GRIN2A: variants seen among roughly 807,000 people sequenced by gnomAD.
GRIN2A encodes glutamate ionotropic receptor NMDA type subunit 2A, also known as glutamate receptor ionotropic, NMDA 2A.
Under a neutral mutation model 113.4 loss-of-function variants are expected in GRIN2A, and 22 were observed. The observed-to-expected ratio is 0.19, with a 90% confidence interval of 0.14 to 0.28. GRIN2A has a LOEUF of 0.28. Among genes scored for constraint, GRIN2A ranks in the 10% least tolerant of loss-of-function variants. The probability of loss-of-function intolerance (pLI) is 1.00; values close to 1 mark genes in which losing one functional copy is unlikely to be tolerated. For missense variants in GRIN2A, 1,502 were observed against 1,887.0 expected, an observed-to-expected ratio of 0.80 and a Z score of 3.78; for synonymous variants, 827 against 738.4, an observed-to-expected ratio of 1.12 and a Z score of -1.94.
At chr16:9,897,786 C>T (rs915410743) in intron 3 of GRIN2A, among the ~76,000 whole-genome samples, 5 of 152,114 alleles carry the variant, frequency 3.3e-5, no homozygotes, top group African/African-American at 1.2e-4. Flanking sequence ...TCTAGACTCT[C>T]TTTGTGCTTT....
At chr16:9,891,722 G>T (rs553439165) in intron 3 of GRIN2A, among the ~76,000 whole-genome samples, 3 of 152,292 alleles carry the variant, frequency 2.0e-5, no homozygotes, top group East Asian at 1.9e-4. Flanking sequence ...TGACCTGAAG[G>T]CTCAATTGGC....
chr16:9,926,042 C>T (rs11647336), intron 3 of GRIN2A, among the ~76,000 whole-genome samples: 34,059 of 152,088 alleles, frequency 0.22, 4,191 homozygotes, highest in Middle Eastern at 0.28. Flanking sequence ...AATGTCATAA[C>T]GCCACTGCAC....
Position 10,180,765 on chromosome 16 carries a change from A to C in GRIN2A, c.-18-336T>G. On this transcript the variant is annotated intron_variant, in intron 1 of 12. Transcript: ENST00000330684. The surrounding 1 kb of genome is among the most constrained non-coding windows in gnomAD (Gnocchi z 7.0). ...AAGTTCGCCGCGGGCCACAGACCCT[A>C]AGCGCCGCGCGTGTTCTGTACCCCA... The C allele has an allele frequency of 6.6e-6, 3 of 451,256 alleles. No individual in the cohort carries two copies. Among genetic ancestry groups the C allele is most frequent in the Non-Finnish European group, 1.2e-5 (3 of 242,776 alleles). 28.0% of individuals were successfully genotyped at this position (451,256 alleles called of 1,614,324 possible).
chr16:9,765,867 T>C (rs1408998416), intron 12 of GRIN2A, among the ~76,000 whole-genome samples: 1 of 152,214 alleles, frequency 6.6e-6, no homozygotes, highest in African/African-American at 2.4e-5. Context: ...CTGAATGACT[T>C]AAGGGCTCCT....
At chr16:10,092,113 T>C (rs28440115) in intron 2 of GRIN2A, among the ~76,000 whole-genome samples, 2,684 of 152,314 alleles carry the variant, frequency 0.018, 74 homozygotes, top group African/African-American at 0.06. Context: ...TCCAGTCTAG[T>C]CCTTTCAACA....
chr16:10,122,363 T>A (rs1450124017), intron 2 of GRIN2A, among the ~76,000 whole-genome samples: 1 of 152,146 alleles, frequency 6.6e-6, no homozygotes, highest in Non-Finnish European at 1.5e-5. Context: ...TCAGGAGGCT[T>A]CGGGGTAAGG....
Position 10,100,260 on chromosome 16 carries a change from G to A in GRIN2A, c.414+79738C>T, listed in dbSNP as rs149879048. 8.3e-3 allele frequency among the ~76,000 whole-genome samples: 1,271 copies of A among 152,268 alleles called. 9 individuals are homozygous for A. Among genetic ancestry groups the A allele is most frequent in the Non-Finnish European group, 0.014 (984 of 68,024 alleles). On this transcript the variant is annotated intron_variant, in intron 2 of 12. Transcript: ENST00000330684. ...AAGCCATGAAACCGTTTTCAGCAGA[G>A]AAACAACATGATCGGGTTTGCATTT...
At chr16:9,982,380 C>A (rs561206864) in intron 2 of GRIN2A, among the ~76,000 whole-genome samples, 1 of 152,292 alleles carries the variant, frequency 6.6e-6, no homozygotes, top group South Asian at 2.1e-4. Context: ...TTGCCTGGAT[C>A]CATTAGTTCA....
chr16:10,055,108 AAAAG>A, intron 2 of GRIN2A, among the ~76,000 whole-genome samples: 1 of 95,528 alleles, frequency 1.0e-5, no homozygotes, highest in East Asian at 7.6e-4. Flanking sequence ...AAAGAAAGAA[AAAAG>A]AAAAAAAAAA....
intron 2 of GRIN2A, among the ~76,000 whole-genome samples, chr16:10,174,460 T>G (rs903925648): frequency 4.6e-5 from 7 of 152,172 alleles, no homozygotes; most frequent in Admixed American, 1.3e-4. Flanking sequence ...TATGTGAACA[T>G]CCAACTAACT....
At chr16:10,025,191 C>T (rs1334832508) in intron 2 of GRIN2A, among the ~76,000 whole-genome samples, 2 of 151,554 alleles carry the variant, frequency 1.3e-5, no homozygotes, top group Non-Finnish European at 2.9e-5. Context: ...ACTAATGGTG[C>T]AGCTGAATCA....
In GRIN2A at chr16:9,849,768, A is replaced by G; in HGVS notation, c.1316T>C (p.Phe439Ser). 6.2e-7 allele frequency: 1 copy of G among 1,613,952 alleles called. No individual in the cohort carries two copies. Residue 439 changes from phenylalanine (F) to serine (S), a missense_variant, in exon 5 of 13, where the codon TTC (phenylalanine) becomes TCC (serine). By Grantham distance (155) the Phe-to-Ser change is radical (BLOSUM62 -2). Transcript: ENST00000330684. ...TCCTGCCACTCACTTGATTTTGACGAACTTCCGACATGGCACGGTGTTCCT... is the reference window on the plus strand; with the variant it reads ...TCCTGCCACTCACTTGATTTTGACGGACTTCCGACATGGCACGGTGTTCCT... Reference protein sequence around the residue: ...CVRNTVPCRKFVKINNSTNEG... With the variant: ...CVRNTVPCRKSVKINNSTNEG...
rs2046081188 is a variant in GRIN2A at position 9,990,495 on chromosome 16, AT to A, written c.415-51945del. On this transcript the variant is annotated intron_variant, in intron 2 of 12. Transcript: ENST00000330684. The stretch of plus-strand genomic sequence containing the variant: ...GGCTCAAACTTCAGCATTACATAAT[AT>A]GTCTATGTAACAAACCTGCACACGC... 1.3e-5 allele frequency among the ~76,000 whole-genome samples: 2 copies of A among 151,804 alleles called. 1 individual carries two copies. Among genetic ancestry groups the A allele is most frequent in the South Asian group, 4.2e-4 (2 of 4,800 alleles).
intron 3 of GRIN2A, among the ~76,000 whole-genome samples, chr16:9,906,306 T>C (rs1008131184): frequency 5.9e-5 from 9 of 152,218 alleles, no homozygotes; most frequent in Non-Finnish European, 2.9e-5. Flanking sequence ...GTATCCTGCA[T>C]TGGAGCAAAC....
At chr16:10,073,404 G>A (rs2142036598) in intron 2 of GRIN2A, among the ~76,000 whole-genome samples, 1 of 152,230 alleles carries the variant, frequency 6.6e-6, no homozygotes, top group African/African-American at 2.4e-5. Context: ...ATCACGCAGG[G>A]TTGGTCTGGG....
chr16:9,840,932 T>C lies in GRIN2A; in HGVS notation c.1497+4A>G, dbSNP rs930361886. ...AGAGCCTAGGGGATGAAAAGATAAC[T>C]TACTTCACCGATCATTCCATTCCAC... On this transcript the variant is annotated splice_donor_region_variant and intron_variant, in intron 6 of 12. Coordinates refer to ENST00000330684, the MANE Select transcript of GRIN2A (RefSeq NM_001134407.3). The C allele has an allele frequency of 6.2e-7, 1 of 1,613,690 alleles. No individual in the cohort carries two copies. Among genetic ancestry groups the C allele is most frequent in the South Asian group, 1.1e-5 (1 of 91,056 alleles).
intron 2 of GRIN2A, among the ~76,000 whole-genome samples, chr16:10,119,651 A>T (rs11640305): frequency 6.6e-6 from 1 of 152,010 alleles, no homozygotes; most frequent in African/African-American, 2.4e-5. Context: ...GATTTGGTAC[A>T]CACATTTGGT....
At chr16:9,991,671 C>A (rs998932529) in intron 2 of GRIN2A, among the ~76,000 whole-genome samples, 1 of 152,130 alleles carries the variant, frequency 6.6e-6, no homozygotes, top group Non-Finnish European at 1.5e-5. Context: ...TTTGGAGTTG[C>A]TGCACTTAAG....
At chr16:10,038,896 CT>C (rs1213136564) in intron 2 of GRIN2A, among the ~76,000 whole-genome samples, 2 of 151,850 alleles carry the variant, frequency 1.3e-5, no homozygotes, top group African/African-American at 4.8e-5. Flanking sequence ...AAAACCCACC[CT>C]AGATATTGCC....
Sources: gnomAD v4.1 joint callset for allele counts (sites outside exome capture counted in the v4.1 genomes callset) on GRCh38, gnomAD v4.1.1 for gene constraint, Gnocchi (gnomAD v3.1) non-coding constraint, MANE v1.5 for transcripts, NCBI Gene and HGNC (gene_info 2026-07-23, HGNC 2026-07-21) for gene names.